Variants in PEDS1 observed in about 807,000 individuals in gnomAD.
The protein encoded by PEDS1 is plasmanylethanolamine desaturase 1, also known as CarF homolog.
A neutral mutation model predicts 35.2 loss-of-function variants in PEDS1; 14 were observed. The observed-to-expected ratio is 0.40, with a 90% CI of 0.26 to 0.62. The LOEUF is 0.62. Among genes scored for constraint, PEDS1 ranks in the 20% least tolerant of loss-of-function variants. PEDS1 has a pLI of 0.44. For synonymous variants in PEDS1, 152 were observed against 152.0 expected, an observed-to-expected ratio of 1.00 and a Z score of 0.00; for missense variants, 260 against 367.8, an observed-to-expected ratio of 0.71 and a Z score of 2.40.
chr20:50,124,553 G>A lies in PEDS1; in HGVS notation c.*505C>T. 1 of 155,596 alleles carries A rather than the reference G, an allele frequency of 6.4e-6. No homozygotes were observed. Among genetic ancestry groups the A allele is most frequent in the South Asian group, 2.0e-4 (1 of 5,100 alleles). 9.6% of individuals were successfully genotyped at this position (155,596 alleles called of 1,614,324 possible). ...CTGCTGAGCTTCACCATCCTTGGGG[G>A]ACAGGCTAGGCTGAAGGTGGTGGCT... On this transcript the variant is annotated 3_prime_UTR_variant, in exon 6 of 6. Transcript: ENST00000371652.
rs2081030391 is a variant in PEDS1, at chr20:50,119,139, A to T, written c.*5919T>A. The T allele has an allele frequency of 1.3e-5, 2 of 152,160 alleles. No individual in the cohort carries two copies. 9.4% of individuals were successfully genotyped at this position (152,160 alleles called of 1,614,324 possible). A position where few individuals can be genotyped will look rare whatever the true frequency, so the allele number is the denominator to read the frequency against. On this transcript the variant is annotated 3_prime_UTR_variant, in exon 6 of 6. Transcript: ENST00000371652. ...TCTGGAAGACAATTTGGTATGCACT[A>T]TCAAAATTTAAAACACACTCGTGGT...
intron 2 of PEDS1, among the ~76,000 whole-genome samples, chr20:50,132,157 T>C (rs1382117632): frequency 6.6e-6 from 1 of 152,068 alleles, no homozygotes; most frequent in Non-Finnish European, 1.5e-5. Flanking sequence ...TGAGTCGAGA[T>C]CATGCACTGC....
At position 50,128,215 on chromosome 20, in the gene PEDS1, C is replaced by T. The variant is rs775591336; in HGVS notation, c.479-28G>A. On this transcript the variant is annotated intron_variant, in intron 4 of 5. Coordinates refer to ENST00000371652, the MANE Select transcript of PEDS1 (RefSeq NM_199129.4). The surrounding 1 kb of genome is among the most constrained non-coding windows in gnomAD (Gnocchi z 5.2). ...GCAGGTTGGGGAGAGGGGGGGCCGGCACAGCTGTCACTCGGGACGGGGAAC... is the reference window on the plus strand; with the variant it reads ...GCAGGTTGGGGAGAGGGGGGGCCGGTACAGCTGTCACTCGGGACGGGGAAC... The T allele has an allele frequency of 5.0e-6, 8 of 1,612,242 alleles. No homozygotes were observed. Among genetic ancestry groups the T allele is most frequent in the Non-Finnish European group, 6.8e-6 (8 of 1,179,280 alleles).
intron 2 of PEDS1, among the ~76,000 whole-genome samples, chr20:50,131,450 C>T (rs372789005): frequency 5.3e-5 from 8 of 151,942 alleles, no homozygotes; most frequent in East Asian, 1.9e-4. Flanking sequence ...GGTGAAACCC[C>T]GTCTCTACTA....
intron 1 of PEDS1, among the ~76,000 whole-genome samples, chr20:50,147,960 C>T (rs2081363159): frequency 6.6e-6 from 1 of 152,066 alleles, no homozygotes. Flanking sequence ...CGGGAGGGTG[C>T]ACCTGTAATC....
At chr20:50,130,237 C>CCCACGTGT (rs1019709854) in intron 3 of PEDS1, among the ~76,000 whole-genome samples, 1 of 152,190 alleles carries the variant, frequency 6.6e-6, no homozygotes, top group Non-Finnish European at 1.5e-5. Context: ...CGTGGGACTT[C>CCCACGTGT]AGTTGGCGGA....
rs1156979514 is a variant in PEDS1, at chr20:50,123,644, A to T, written c.*1414T>A. On this transcript the variant is annotated 3_prime_UTR_variant, in exon 6 of 6. Coordinates refer to ENST00000371652, the MANE Select transcript of PEDS1 (RefSeq NM_199129.4). ...TCTTCCCTCACTTCTTTCGTGTCTG[A>T]CCTCCTCTCCTCCCCCAGGTCTCAG... 1 of 150,350 alleles carries T rather than the reference A, an allele frequency of 6.7e-6. No homozygotes were observed. The allele number at this position is 150,350 out of a possible 1,614,324, so 9.3% of individuals were successfully genotyped here.
intron 2 of PEDS1, among the ~76,000 whole-genome samples, chr20:50,136,083 G>A (rs1373058180): frequency 6.6e-6 from 1 of 151,872 alleles, no homozygotes; most frequent in African/African-American, 2.4e-5. Context: ...GGGTTAAGAT[G>A]TCAACTACTT....
intron 3 of PEDS1, 149 bp downstream of exon 3, chr20:50,130,707 T>C: frequency 1.0e-6 from 1 of 1,004,066 alleles, no homozygotes; most frequent in Non-Finnish European, 1.4e-6. Flanking sequence ...ACTCCTGTTC[T>C]AGTCTTGCAG....
intron 1 of PEDS1, among the ~76,000 whole-genome samples, chr20:50,152,752 C>G (rs1279287312): frequency 7.9e-5 from 12 of 151,826 alleles, no homozygotes; most frequent in Non-Finnish European, 1.6e-4. Flanking sequence ...GGGGCAAGAG[C>G]TAGAGTTGGG....
rs1210872901 is a variant in PEDS1 at position 50,122,426 on chromosome 20, G to A, written c.*2632C>T. The A allele has an allele frequency of 3.3e-5, 5 of 152,210 alleles. No individual in the cohort carries two copies. The highest frequency in any genetic ancestry group is 1.2e-4 in the African/African-American group (5 of 41,448). The allele number at this position is 152,210 out of a possible 1,614,324, so 9.4% of individuals were successfully genotyped here. A position where few individuals can be genotyped will look rare whatever the true frequency, so the allele number is the denominator to read the frequency against. ...TTTTAAAAAATAAATGTCATGGCTG[G>A]ACGCAGTGGCTCATGCCTGTAATCC... On this transcript the variant is annotated 3_prime_UTR_variant, in exon 6 of 6. Coordinates refer to ENST00000371652, the MANE Select transcript of PEDS1 (RefSeq NM_199129.4).
intron 1 of PEDS1, among the ~76,000 whole-genome samples, chr20:50,146,289 T>A (rs1005000948): frequency 6.6e-6 from 1 of 152,042 alleles, no homozygotes; most frequent in Non-Finnish European, 1.5e-5. Context: ...CCATGATGCC[T>A]CCTCTGACCC....
intron 1 of PEDS1, among the ~76,000 whole-genome samples, chr20:50,147,424 GC>G (rs2081357398): frequency 6.6e-6 from 1 of 152,192 alleles, no homozygotes; most frequent in South Asian, 2.1e-4. Context: ...TTTGGTGGCA[GC>G]CCTGGCTGGG....
rs760820842 is a variant in PEDS1, at chr20:50,131,048, G to T, written c.242-101C>A. 3.1e-6 allele frequency: 5 copies of T among 1,593,658 alleles called. No individual in the cohort carries two copies. The African/African-American group carries it at 6.7e-5, about 21-fold the overall frequency. On this transcript the variant is annotated intron_variant, in intron 2 of 5. Transcript: ENST00000371652. Reference sequence around the variant, plus strand: ...CCCGCTCATTCATTTGTTAGGAGGGGAAGGTGTCCCTTCTTCTCTAGTTGG... The same window carrying T: ...CCCGCTCATTCATTTGTTAGGAGGGTAAGGTGTCCCTTCTTCTCTAGTTGG...
chr20:50,130,281 A>G (rs192834910), intron 3 of PEDS1, among the ~76,000 whole-genome samples: 2 of 152,264 alleles, frequency 1.3e-5, no homozygotes, highest in South Asian at 2.1e-4. Context: ...GTTCTCCTGG[A>G]AGGAGAAGGA....
At chr20:50,131,932 C>T (rs892174362) in intron 2 of PEDS1, among the ~76,000 whole-genome samples, 6 of 151,968 alleles carry the variant, frequency 3.9e-5, no homozygotes, top group African/African-American at 9.7e-5. Context: ...GACTGGGCGC[C>T]GTGGCTCACA....
At chr20:50,135,468 G>A (rs2081224105) in intron 2 of PEDS1, among the ~76,000 whole-genome samples, 2 of 151,938 alleles carry the variant, frequency 1.3e-5, no homozygotes, top group South Asian at 4.2e-4. Context: ...AGACCAGCCT[G>A]ACCAACATGG....
rs1229052422 is a variant in PEDS1, at chr20:50,148,407, G to A, written c.122-4786C>T. Among the ~76,000 whole-genome samples the A allele has an allele frequency of 3.3e-5, 5 of 152,164 alleles. No homozygotes were observed. In the South Asian group the frequency reaches 8.3e-4, roughly 25 times the overall value. On this transcript the variant is annotated intron_variant, in intron 1 of 5. Coordinates refer to ENST00000371652, the MANE Select transcript of PEDS1 (RefSeq NM_199129.4). ...TGGCTGCTCAGGACACAGGAGGCCC[G>A]GGCTGTCTTCTGGCTGTAGTGCTGA...
intron 2 of PEDS1, among the ~76,000 whole-genome samples, chr20:50,143,175 G>A (rs1181187139): frequency 6.6e-6 from 1 of 152,144 alleles, no homozygotes; most frequent in East Asian, 1.9e-4. Flanking sequence ...AGAGGATGGT[G>A]GCTGGACAAG....
Sources: gnomAD v4.1 joint callset for allele counts (sites outside exome capture counted in the v4.1 genomes callset) on GRCh38, gnomAD v4.1.1 for gene constraint, Gnocchi (gnomAD v3.1) non-coding constraint, MANE v1.5 for transcripts, NCBI Gene and HGNC (gene_info 2026-07-23, HGNC 2026-07-21) for gene names.